WDR19: variants seen among roughly 807,000 people sequenced by gnomAD.
The protein encoded by WDR19 is WD repeat-containing protein 19.
In WDR19, 121 loss-of-function variants were observed where a neutral mutation model predicts 180.0. The observed-to-expected ratio is 0.67, with a 90% CI of 0.58 to 0.78. WDR19 has a LOEUF of 0.78. Among genes scored for constraint, WDR19 ranks in the 30% least tolerant of loss-of-function variants. WDR19 has a pLI of 0.00. For missense variants in WDR19, 1,450 were observed against 1,640.7 expected, an observed-to-expected ratio of 0.88 and a Z score of 2.01; for synonymous variants, 497 against 540.7, an observed-to-expected ratio of 0.92 and a Z score of 1.12.
intron 3 of WDR19, 145 bp from the exon 4 acceptor site, chr4:39,189,511 A>T: frequency 1.3e-6 from 1 of 754,040 alleles, no homozygotes; most frequent in Non-Finnish European, 1.9e-6. Flanking sequence ...TTACCCATGC[A>T]GTGAATAATG....
chr4:39,208,295 C>T (rs1728155576), intron 9 of WDR19, among the ~76,000 whole-genome samples: 1 of 141,624 alleles, frequency 7.1e-6, no homozygotes, highest in Non-Finnish European at 1.5e-5. Context: ...TAGACATAGA[C>T]TGAGTGGATT....
At chr4:39,233,057 A>G (rs986319099) in intron 19 of WDR19, among the ~76,000 whole-genome samples, 4 of 152,168 alleles carry the variant, frequency 2.6e-5, no homozygotes, top group African/African-American at 9.7e-5. Context: ...AGCACTTATC[A>G]TGTATTAATT....
rs571678102 is a variant in WDR19 at position 39,228,314 on chromosome 4, T to A, written c.1734T>A (p.Asp578Glu). Reference protein sequence around the residue: ...MDKGVFIAYDDDKVYTYVFHK... With the variant: ...MDKGVFIAYDEDKVYTYVFHK... Reference sequence around the variant, plus strand: ...AAGGTGTATTTATTGCTTATGATGATGATAAGGTGTACACTTATGTCTTTC... The same window carrying A: ...AAGGTGTATTTATTGCTTATGATGAAGATAAGGTGTACACTTATGTCTTTC... Residue 578 changes from aspartate to glutamate, a missense_variant, in exon 16 of 37, where the codon GAT becomes GAA. Transcript: ENST00000399820. 15 of 1,613,432 alleles carry A rather than the reference T, an allele frequency of 9.3e-6. No homozygotes were observed. In the African/African-American group the frequency reaches 1.7e-4, roughly 19 times the overall value.
intron 21 of WDR19, among the ~76,000 whole-genome samples, chr4:39,243,263 G>A (rs1489511828): frequency 1.3e-5 from 2 of 152,090 alleles, no homozygotes; most frequent in Non-Finnish European, 2.9e-5. Context: ...AAAAGAAATT[G>A]TAGTAATTCA....
chr4:39,255,999 G>A (rs1451344259), intron 27 of WDR19, 39 bp downstream of exon 27: 3 of 1,380,606 alleles, frequency 2.2e-6, no homozygotes, highest in African/African-American at 2.8e-5. Context: ...GACTCCGCAG[G>A]AATAATTGTA....
Position 39,212,876 on chromosome 4 carries a change from T to C in WDR19, c.891-1725T>C, listed in dbSNP as rs573259430. On this transcript the variant is annotated intron_variant, in intron 9 of 36. Coordinates refer to ENST00000399820, the MANE Select transcript of WDR19 (RefSeq NM_025132.4). ...AACACGAAAATAATACATTTACTTA[T>C]ATAGTTACCATTAAACAAAAACCCA... 2.6e-3 allele frequency among the ~76,000 whole-genome samples: 389 copies of C among 152,304 alleles called. 1 individual carries two copies. The highest frequency in any genetic ancestry group is 8.8e-3 in the African/African-American group (366 of 41,562).
Position 39,214,602 on chromosome 4 carries a change from A to C in WDR19, c.892A>C (p.Ile298Leu). ...TAATAATGCATTTTTGTTTTTCAGC[A>C]TTAAAATCCAAGACTTGGTTGACTT... ...NKVATCGDNCIKIQDLVDLKD... is the reference protein window; with the variant it reads ...NKVATCGDNCLKIQDLVDLKD... Residue 298 changes from isoleucine (I) to leucine (L), a missense_variant and splice_region_variant, in exon 10 of 37, where the codon ATT becomes CTT. Ile to Leu is a conservative substitution (Grantham distance 5). Transcript: ENST00000399820. 6.5e-7 allele frequency: 1 copy of C among 1,545,484 alleles called. No individual in the cohort carries two copies. Among genetic ancestry groups the C allele is most frequent in the South Asian group, 1.2e-5 (1 of 82,168 alleles).
Position 39,189,734 on chromosome 4 carries a change from T to C in WDR19, c.243T>C (p.Leu81=), listed in dbSNP as rs1577832495. ...CTGAGAAATCTAGCTGCATTTATCTTTGGGATGCCAACACAAATAAGACCA... is the reference window on the plus strand; with the variant it reads ...CTGAGAAATCTAGCTGCATTTATCTCTGGGATGCCAACACAAATAAGACCA... The part of the protein sequence containing the change: ...VIAEKSSCIY[L]WDANTNKTSQ... Residue 81 remains leucine, a synonymous_variant, in exon 4 of 37, where the codon CTT becomes CTC. Coordinates refer to ENST00000399820, the MANE Select transcript of WDR19 (RefSeq NM_025132.4). The C allele has an allele frequency of 6.2e-7, 1 of 1,611,672 alleles. No individual in the cohort carries two copies. The highest frequency in any genetic ancestry group is 2.2e-5 in the East Asian group (1 of 44,692).
intron 36 of WDR19, among the ~76,000 whole-genome samples, chr4:39,280,116 C>CTTTTTTTTTTTTTTTTT (rs1736329750): frequency 1.9e-5 from 1 of 52,474 alleles, no homozygotes; most frequent in African/African-American, 5.2e-5. Context: ...TTTCCCTTTT[C>CTTTTTTTTTTTTTTTTT]TTGTTTTTTT....
intron 9 of WDR19, among the ~76,000 whole-genome samples, chr4:39,206,669 C>T (rs748880252): frequency 6.6e-6 from 1 of 152,148 alleles, no homozygotes; most frequent in Non-Finnish European, 1.5e-5. Flanking sequence ...CATCCTTAAG[C>T]GCATATGTAT....
At chr4:39,274,779 T>C (rs1254941156) in intron 32 of WDR19, 29 bp from the exon 33 acceptor site, 2 of 1,604,568 alleles carry the variant, frequency 1.2e-6, no homozygotes, top group Admixed American at 1.7e-5. Context: ...GACACTGTGC[T>C]GTTGCTGCTC....
chr4:39,202,691 TA>T (rs34128337), intron 6 of WDR19, among the ~76,000 whole-genome samples: 25 of 149,696 alleles, frequency 1.7e-4, no homozygotes, highest in African/African-American at 3.4e-4. Flanking sequence ...CATATGCACT[TA>T]AAAAAAAAAC....
chr4:39,207,269 A>G (rs990555683), intron 9 of WDR19, among the ~76,000 whole-genome samples: 4 of 152,180 alleles, frequency 2.6e-5, no homozygotes, highest in African/African-American at 7.2e-5. Flanking sequence ...AAAATATCCA[A>G]TCTGAACATG....
chr4:39,188,767 T>C (rs1284136536), intron 3 of WDR19, among the ~76,000 whole-genome samples: 1 of 152,188 alleles, frequency 6.6e-6, no homozygotes, highest in African/African-American at 2.4e-5. Flanking sequence ...TTTTCTTTTT[T>C]TGAAACAGGG....
chr4:39,273,110 G>C (rs370700785), intron 32 of WDR19, 49 bp downstream of exon 32: 2 of 1,423,174 alleles, frequency 1.4e-6, no homozygotes, highest in Non-Finnish European at 9.6e-7. Flanking sequence ...GCCCCATGCC[G>C]CATGCTAGCC....
intron 20 of WDR19, chr4:39,237,763 C>G (rs1293229792): frequency 2.6e-5 from 4 of 152,146 alleles, no homozygotes; most frequent in African/African-American, 4.8e-5. Context: ...GACAGAGCCC[C>G]ATTGCCCTGG....
chr4:39,236,485 G>A (rs1731391362), intron 20 of WDR19, among the ~76,000 whole-genome samples: 1 of 152,274 alleles, frequency 6.6e-6, no homozygotes, highest in East Asian at 1.9e-4. Context: ...AGACACTGGA[G>A]ACTCCAAAAG....
intron 4 of WDR19, among the ~76,000 whole-genome samples, chr4:39,192,996 G>A (rs1433444759): frequency 2.0e-5 from 3 of 152,024 alleles, no homozygotes; most frequent in Non-Finnish European, 4.4e-5. Context: ...TTCTGCAAAC[G>A]GAGGGAAATC....
intron 1 of WDR19, among the ~76,000 whole-genome samples, chr4:39,183,045 A>C (rs943723656): frequency 6.6e-6 from 1 of 152,110 alleles, no homozygotes; most frequent in African/African-American, 2.4e-5. Flanking sequence ...GAATAACTTC[A>C]AAATGTATTA....
Sources: gnomAD v4.1 joint callset for allele counts (sites outside exome capture counted in the v4.1 genomes callset) on GRCh38, gnomAD v4.1.1 for gene constraint, MANE v1.5 for transcripts, NCBI Gene and HGNC (gene_info 2026-07-23, HGNC 2026-07-21) for gene names.